Variants in MAGI1 observed in about 807,000 individuals in gnomAD.
MAGI1 encodes the protein membrane associated guanylate kinase, WW and PDZ domain containing 1, also known as membrane-associated guanylate kinase, WW and PDZ domain-containing protein 1.
MAGI1 carries 58 observed loss-of-function variants against 139.9 expected under a neutral mutation model. The ratio of observed to expected loss-of-function variants is 0.41; its 90% CI spans 0.34 to 0.52. The LOEUF is 0.52. Among genes scored for constraint, MAGI1 ranks in the 20% least tolerant of loss-of-function variants. The pLI, the probability that MAGI1 is intolerant of heterozygous loss-of-function variation, is 0.12. For synonymous variants in MAGI1, 812 were observed against 737.9 expected (o/e 1.10, Z -1.63); for missense variants, 1,874 against 1,901.6 (o/e 0.99, Z 0.27).
chr3:65,784,991 T>C (rs879679459), intron 1 of MAGI1, among the ~76,000 whole-genome samples: 20 of 150,030 alleles, frequency 1.3e-4, no homozygotes, highest in Non-Finnish European at 2.7e-4. Flanking sequence ...CTAATGGATA[T>C]AGGATTCCTT....
chr3:65,846,067 C>T (rs1369857956), intron 1 of MAGI1, among the ~76,000 whole-genome samples: 3 of 152,208 alleles, frequency 2.0e-5, no homozygotes, highest in Non-Finnish European at 2.9e-5. Flanking sequence ...GGCAACAACA[C>T]TTCATTTGCC....
At chr3:65,840,148 AT>A (rs34338889) in intron 1 of MAGI1, among the ~76,000 whole-genome samples, 79,996 of 147,344 alleles carry the variant, frequency 0.54, 22,585 homozygotes, top group East Asian at 0.93. Flanking sequence ...TAGTTCTAAG[AT>A]TTTTTTTTTT....
At chr3:65,522,743 T>A (rs1185484924) in intron 2 of MAGI1, among the ~76,000 whole-genome samples, 1 of 152,190 alleles carries the variant, frequency 6.6e-6, no homozygotes, top group Admixed American at 6.5e-5. Flanking sequence ...CCAAAGTAAA[T>A]GCTTCAAAGG....
intron 1 of MAGI1, among the ~76,000 whole-genome samples, chr3:65,958,631 T>A (rs1215401824): frequency 6.6e-6 from 1 of 152,136 alleles, no homozygotes; most frequent in Non-Finnish European, 1.5e-5. Flanking sequence ...ACAACAGAGT[T>A]CCGGGTAATA....
intron 2 of MAGI1, among the ~76,000 whole-genome samples, chr3:65,508,145 T>A (rs1055500320): frequency 1.3e-5 from 2 of 152,236 alleles, no homozygotes; most frequent in Non-Finnish European, 2.9e-5. Flanking sequence ...GGCTCACGCC[T>A]GTAATCCCAG....
chr3:65,462,976 T>C (rs1949920302), intron 5 of MAGI1, among the ~76,000 whole-genome samples: 1 of 152,252 alleles, frequency 6.6e-6, no homozygotes, highest in African/African-American at 2.4e-5. Context: ...TTTTGTAGCC[T>C]GAAACTTTCC....
chr3:65,935,407 G>T (rs904055019), intron 1 of MAGI1, among the ~76,000 whole-genome samples: 1 of 152,146 alleles, frequency 6.6e-6, no homozygotes, highest in Non-Finnish European at 1.5e-5. Context: ...GCCGAGGTGG[G>T]CAGGAGTTCA....
chr3:65,898,560 A>G (rs772445981), intron 1 of MAGI1, among the ~76,000 whole-genome samples: 1 of 152,232 alleles, frequency 6.6e-6, no homozygotes, highest in Non-Finnish European at 1.5e-5. Flanking sequence ...AAATAGGAGT[A>G]AGTTCATGGC....
chr3:65,781,057 G>T (rs983408189), intron 1 of MAGI1, among the ~76,000 whole-genome samples: 1 of 152,112 alleles, frequency 6.6e-6, no homozygotes, highest in Non-Finnish European at 1.5e-5. Context: ...TTAGCCAGGC[G>T]TTGTGGCTCA....
intron 1 of MAGI1, among the ~76,000 whole-genome samples, chr3:65,647,613 T>C (rs1184532097): frequency 6.6e-6 from 1 of 152,198 alleles, no homozygotes; most frequent in Non-Finnish European, 1.5e-5. Context: ...TGAAAATCAA[T>C]TATTATAATC....
At chr3:65,655,978 C>G (rs759307242) in intron 1 of MAGI1, among the ~76,000 whole-genome samples, 2 of 152,152 alleles carry the variant, frequency 1.3e-5, no homozygotes, top group Non-Finnish European at 2.9e-5. Context: ...TTGGCTACAT[C>G]TTGAATTCAC....
chr3:65,469,727 C>T (rs1950433784), intron 5 of MAGI1: 1 of 151,512 alleles, frequency 6.6e-6, no homozygotes, highest in African/African-American at 2.4e-5. Context: ...ATAAATGAGA[C>T]TTTATCAAAA....
intron 1 of MAGI1, among the ~76,000 whole-genome samples, chr3:65,926,918 C>T (rs1198839485): frequency 6.6e-6 from 1 of 152,100 alleles, no homozygotes; most frequent in African/African-American, 2.4e-5. Context: ...TCACTTGAAC[C>T]CAGGAGGCGG....
chr3:65,778,216 G>C (rs1018104000), intron 1 of MAGI1, among the ~76,000 whole-genome samples: 1 of 152,074 alleles, frequency 6.6e-6, no homozygotes, highest in Non-Finnish European at 1.5e-5. Flanking sequence ...GATCACCTGA[G>C]GTAAGGAGTT....
chr3:66,034,541 A>G (rs576770177), intron 1 of MAGI1, among the ~76,000 whole-genome samples: 1 of 152,344 alleles, frequency 6.6e-6, no homozygotes, highest in Non-Finnish European at 1.5e-5. Flanking sequence ...AAGTTTCCTT[A>G]ATTACATTTT....
chr3:65,623,549 T>C (rs2083802701), intron 1 of MAGI1, among the ~76,000 whole-genome samples: 2 of 152,112 alleles, frequency 1.3e-5, no homozygotes, highest in South Asian at 2.1e-4. Flanking sequence ...TTAGACAAGA[T>C]ACAAATTAGG....
At chr3:65,609,254 T>C (rs967837630) in intron 2 of MAGI1, among the ~76,000 whole-genome samples, 1 of 151,938 alleles carries the variant, frequency 6.6e-6, no homozygotes, top group African/African-American at 2.4e-5. Context: ...TATATTTATT[T>C]CATCTCTATC....
chr3:65,722,939 T>G (rs1022671012), intron 1 of MAGI1, among the ~76,000 whole-genome samples: 2 of 151,732 alleles, frequency 1.3e-5, no homozygotes, highest in African/African-American at 4.9e-5. Context: ...CCTTTGATTT[T>G]TATAGATACA....
chr3:65,543,606 A>C (rs150093294), intron 2 of MAGI1, among the ~76,000 whole-genome samples: 19 of 152,220 alleles, frequency 1.2e-4, no homozygotes, highest in African/African-American at 3.9e-4. Context: ...TTGCAGACAC[A>C]TGGATGAAGC....
Sources: allele counts gnomAD v4.1 joint callset (sites outside exome capture counted in the v4.1 genomes callset), GRCh38; gene constraint gnomAD v4.1.1; transcripts MANE v1.5; gene names NCBI Gene and HGNC (gene_info 2026-07-23, HGNC 2026-07-21).